FMR1NB: variants seen among roughly 807,000 people sequenced by gnomAD.
FMR1NB encodes the protein FMR1 neighbor.
FMR1NB carries 10 observed loss-of-function variants against 16.8 expected under a neutral mutation model. The ratio of observed to expected loss-of-function variants is 0.60; its 90% CI spans 0.37 to 1.01. The LOEUF (loss-of-function observed/expected upper bound fraction) is 1.01, where lower values mean the gene tolerates loss of function less well. Ranked by LOEUF, FMR1NB falls within the 50% of genes least tolerant of loss-of-function variation. FMR1NB has a pLI of 0.01. For synonymous variants in FMR1NB, 83 were observed against 79.1 expected, an observed-to-expected ratio of 1.05 and a Z score of -0.26; for missense variants, 205 against 204.8, an observed-to-expected ratio of 1.00 and a Z score of 0.00.
chrX:147,997,641 TA>T (rs782194398), intron 1 of FMR1NB, among the ~76,000 whole-genome samples: 1 of 111,585 alleles, frequency 9.0e-6, no homozygotes, highest in South Asian at 3.7e-4. Flanking sequence ...TTCTACTCAG[TA>T]AAAGAAACTA....
chrX:147,984,021 T>A (rs2044464145), intron 1 of FMR1NB, among the ~76,000 whole-genome samples: 2 of 111,829 alleles, frequency 1.8e-5, no homozygotes, highest in Admixed American at 9.5e-5. Context: ...GAAAAATCAG[T>A]TGATTATAGA....
intron 5 of FMR1NB, among the ~76,000 whole-genome samples, chrX:148,025,400 C>T (rs1473453258): frequency 2.7e-5 from 3 of 111,172 alleles, no homozygotes; most frequent in Non-Finnish European, 5.7e-5. Context: ...AGGAGTCTGA[C>T]AGAGATGAGA....
chrX:147,995,490 G>C (rs2124616269), intron 1 of FMR1NB, among the ~76,000 whole-genome samples: 1 of 111,561 alleles, frequency 9.0e-6, no homozygotes, highest in East Asian at 2.8e-4. Flanking sequence ...TGCCTTTCAA[G>C]TTATATTTAT....
At chrX:147,997,223 G>A (rs1284810248) in intron 1 of FMR1NB, among the ~76,000 whole-genome samples, 4 of 111,984 alleles carry the variant, frequency 3.6e-5, no homozygotes, top group African/African-American at 9.7e-5. Flanking sequence ...CAAGGCTATA[G>A]TAACCAAAAC....
At chrX:148,015,463 A>C (rs1557190063) in intron 4 of FMR1NB, among the ~76,000 whole-genome samples, 1 of 111,641 alleles carries the variant, frequency 9.0e-6, no homozygotes, top group African/African-American at 3.3e-5. Flanking sequence ...TACAGCTATA[A>C]TCTTCCCTCT....
chrX:148,009,859 G>A (rs1179435920), intron 4 of FMR1NB, among the ~76,000 whole-genome samples: 7 of 112,070 alleles, frequency 6.2e-5, no homozygotes, highest in Admixed American at 1.9e-4. Flanking sequence ...GAAGATCATC[G>A]AAGTGATTGG....
chrX:148,024,691 A>G (rs1290181341), intron 4 of FMR1NB, among the ~76,000 whole-genome samples, 174 bp from the exon 5 acceptor site: 2 of 112,320 alleles, frequency 1.8e-5, no homozygotes, highest in Non-Finnish European at 3.8e-5. Context: ...ATGATGATCA[A>G]TATGAGCAAG....
At chrX:148,004,249 A>G (rs2044584959) in intron 2 of FMR1NB, among the ~76,000 whole-genome samples, 1 of 112,222 alleles carries the variant, frequency 8.9e-6, no homozygotes, top group African/African-American at 3.2e-5. Context: ...TTTGAGTGCC[A>G]CAGTTAGTCG....
At chrX:147,987,365 A>G (rs2044482098) in intron 1 of FMR1NB, among the ~76,000 whole-genome samples, 1 of 111,964 alleles carries the variant, frequency 8.9e-6, no homozygotes, top group Non-Finnish European at 1.9e-5. Flanking sequence ...ACTATGTTGA[A>G]TAGGAGTGGT....
rs1569546670 is a variant in FMR1NB at position 148,003,343 on chromosome X, TC to T, written c.397+28del. 5 of 1,203,881 alleles carry T rather than the reference TC, an allele frequency of 4.2e-6. No homozygotes were observed. The Admixed American group carries it at 6.6e-5, about 16-fold the overall frequency. ...CAAGTAAGTTCTTGTTTGATTTTTT[TC>T]CCCCTCTAATGTTCTTGTTTTGAAA... On this transcript the variant is annotated intron_variant, in intron 2 of 5. Transcript: ENST00000370467.
At chrX:147,989,434 G>A (rs782016658) in intron 1 of FMR1NB, among the ~76,000 whole-genome samples, 1 of 111,995 alleles carries the variant, frequency 8.9e-6, no homozygotes, top group African/African-American at 3.2e-5. Context: ...TGAGGCTCCT[G>A]TCACCCCCTG....
rs782519063 is a variant in FMR1NB, at chrX:147,985,394, A to G, written c.277+3715A>G. Among the ~76,000 whole-genome samples, 5 of 111,375 alleles carry G rather than the reference A, an allele frequency of 4.5e-5. No homozygotes were observed. The East Asian group carries it at 1.1e-3, about 25-fold the overall frequency. On this transcript the variant is annotated intron_variant, in intron 1 of 5. Transcript: ENST00000370467. ...TTTGTTACACAGGTATACATGTGCCATGGTGGTTTGCTGCACCTATCAACC... is the reference window on the plus strand; with the variant it reads ...TTTGTTACACAGGTATACATGTGCCGTGGTGGTTTGCTGCACCTATCAACC...
intron 1 of FMR1NB, among the ~76,000 whole-genome samples, chrX:148,001,868 G>C (rs782598641): frequency 9.2e-6 from 1 of 109,192 alleles, no homozygotes; most frequent in Non-Finnish European, 1.9e-5. Context: ...TAAGGATATA[G>C]TAAGGATTTA....
intron 4 of FMR1NB, among the ~76,000 whole-genome samples, chrX:148,020,880 C>T (rs1471113354): frequency 8.9e-6 from 1 of 111,970 alleles, no homozygotes; most frequent in Non-Finnish European, 1.9e-5. Flanking sequence ...ACCAACATTC[C>T]CTTAGCCACC....
chrX:147,996,911 C>T (rs781813268), intron 1 of FMR1NB, among the ~76,000 whole-genome samples: 1 of 112,292 alleles, frequency 8.9e-6, no homozygotes, highest in South Asian at 3.7e-4. Context: ...AGGCTGACTC[C>T]TAATCTTTTA....
In FMR1NB at chrX:148,019,690, C is replaced by A. The variant is rs189152710; in HGVS notation, c.633-5175C>A. On this transcript the variant is annotated intron_variant, in intron 4 of 5. Coordinates refer to ENST00000370467, the MANE Select transcript of FMR1NB (RefSeq NM_152578.3). Reference sequence around the variant, plus strand: ...TTCCTTAATGATCTTGGGAAAAAAACCAGAATAATTCTCTGGATTACCATC... The same window carrying A: ...TTCCTTAATGATCTTGGGAAAAAAAACAGAATAATTCTCTGGATTACCATC... Among the ~76,000 whole-genome samples, 28 of 111,991 alleles carry A rather than the reference C, an allele frequency of 2.5e-4. 1 individual carries two copies. In the East Asian group the frequency reaches 6.2e-3, roughly 25 times the overall value.
chrX:148,026,002 T>G (rs2044701647), intron 5 of FMR1NB: 1 of 111,160 alleles, frequency 9.0e-6, no homozygotes, highest in African/African-American at 3.3e-5. Flanking sequence ...GAAAAGTGAT[T>G]TATCTCAGAA....
At chrX:147,992,148 C>T (rs1229373577) in intron 1 of FMR1NB, among the ~76,000 whole-genome samples, 4 of 110,226 alleles carry the variant, frequency 3.6e-5, no homozygotes, top group Non-Finnish European at 5.7e-5. Context: ...ATTGTCATCC[C>T]GTCCCGTTCT....
intron 4 of FMR1NB, 92 bp downstream of exon 4, chrX:148,008,803 G>A (rs2044609747): frequency 1.3e-6 from 1 of 793,985 alleles, no homozygotes; most frequent in East Asian, 3.3e-5. Flanking sequence ...AGAAATACAG[G>A]GATTATGTTT....
Sources: allele counts gnomAD v4.1 joint callset (sites outside exome capture counted in the v4.1 genomes callset), GRCh38; gene constraint gnomAD v4.1.1; transcripts MANE v1.5; gene names NCBI Gene and HGNC (gene_info 2026-07-23, HGNC 2026-07-21).